RBFOX1: variants seen among roughly 807,000 people sequenced by gnomAD.
RBFOX1 encodes RNA binding fox-1 homolog 1.
RBFOX1 carries 8 observed loss-of-function variants against 57.7 expected under a neutral mutation model. The observed-to-expected ratio is 0.14, with a 90% CI of 0.08 to 0.25. The LOEUF is 0.25. RBFOX1 is among the 10% of genes least tolerant of loss of function. The probability of loss-of-function intolerance (pLI) is 1.00; values close to 1 mark genes in which losing one functional copy is unlikely to be tolerated. For synonymous variants in RBFOX1, 326 were observed against 222.4 expected, an observed-to-expected ratio of 1.47 and a Z score of -4.15; for missense variants, 611 against 548.5, an observed-to-expected ratio of 1.11 and a Z score of -1.14.
chr16:7,115,983 C>T (rs1185985715), intron 4 of RBFOX1, among the ~76,000 whole-genome samples: 1 of 152,172 alleles, frequency 6.6e-6, no homozygotes, highest in Non-Finnish European at 1.5e-5. Flanking sequence ...ATAATGAAAG[C>T]TCACATATAT....
At chr16:6,426,515 C>G (rs1215194224) in intron 2 of RBFOX1, among the ~76,000 whole-genome samples, 7 of 151,996 alleles carry the variant, frequency 4.6e-5, no homozygotes, top group Non-Finnish European at 5.9e-5. Flanking sequence ...CCTGTCGTCC[C>G]AGCTACCTGG....
At chr16:5,974,850 A>G (rs1156946680) in intron 4 of RBFOX1, among the ~76,000 whole-genome samples, 1 of 151,772 alleles carries the variant, frequency 6.6e-6, no homozygotes, top group African/African-American at 2.4e-5. Context: ...CTCTATTAAA[A>G]ATACAAAATT....
At chr16:5,850,825 A>G (rs918138223) in intron 3 of RBFOX1, among the ~76,000 whole-genome samples, 1 of 152,210 alleles carries the variant, frequency 6.6e-6, no homozygotes, top group Non-Finnish European at 1.5e-5. Context: ...AGGTGTGAGC[A>G]GTTCACATTT....
chr16:5,307,091 A>G (rs1241567294), intron 1 of RBFOX1, among the ~76,000 whole-genome samples: 4 of 152,112 alleles, frequency 2.6e-5, no homozygotes, highest in African/African-American at 9.7e-5. Flanking sequence ...CAGGAAAACC[A>G]AGTAAACCAC....
intron 3 of RBFOX1, among the ~76,000 whole-genome samples, chr16:5,718,311 G>T (rs73522246): frequency 0.038 from 5,722 of 152,240 alleles, 362 homozygotes; most frequent in African/African-American, 0.13. Flanking sequence ...CAGACCTGAG[G>T]TTTGAAGCAG....
chr16:5,458,569 G>T (rs916306282), intron 1 of RBFOX1, among the ~76,000 whole-genome samples: 1 of 152,168 alleles, frequency 6.6e-6, no homozygotes, highest in Non-Finnish European at 1.5e-5. Context: ...AGCCTCAAAG[G>T]TTAGGCAAGG....
At chr16:6,056,066 G>C (rs1050595325) in intron 1 of RBFOX1, among the ~76,000 whole-genome samples, 2 of 152,160 alleles carry the variant, frequency 1.3e-5, no homozygotes, top group East Asian at 3.9e-4. Flanking sequence ...GGGGCAAAGT[G>C]GGTAGTTTGG....
chr16:6,418,550 G>A (rs1055319881), intron 2 of RBFOX1, among the ~76,000 whole-genome samples: 2 of 126,660 alleles, frequency 1.6e-5, no homozygotes, highest in African/African-American at 6.6e-5. Context: ...TTTTGACAGA[G>A]TCTGGCTCAG....
At chr16:6,526,828 TCAAA>T (rs1272309911) in intron 2 of RBFOX1, among the ~76,000 whole-genome samples, 5 of 14,984 alleles carry the variant, frequency 3.3e-4, no homozygotes, top group Admixed American at 3.3e-3. Context: ...AGACTCTGTC[TCAAA>T]AAAAAAAAAA....
intron 4 of RBFOX1, among the ~76,000 whole-genome samples, chr16:7,408,147 T>G (rs2098378764): frequency 6.6e-6 from 1 of 152,214 alleles, no homozygotes; most frequent in South Asian, 2.1e-4. Flanking sequence ...ACATACACAT[T>G]CTTTGAATTA....
At chr16:5,751,948 C>T (rs984239384) in intron 3 of RBFOX1, among the ~76,000 whole-genome samples, 5 of 152,132 alleles carry the variant, frequency 3.3e-5, no homozygotes, top group Admixed American at 1.3e-4. Context: ...GAATATAAAT[C>T]GTTCTATTAT....
chr16:6,817,333 C>T (rs2090298398), intron 3 of RBFOX1, among the ~76,000 whole-genome samples: 2 of 152,058 alleles, frequency 1.3e-5, no homozygotes, highest in African/African-American at 2.4e-5. Flanking sequence ...TACGAGGACC[C>T]TGCTTACCTG....
intron 4 of RBFOX1, among the ~76,000 whole-genome samples, chr16:7,468,244 G>A (rs552625518): frequency 4.6e-5 from 7 of 152,226 alleles, no homozygotes; most frequent in Non-Finnish European, 8.8e-5. Context: ...ATACCCGCCC[G>A]ACCTTTACCA....
At chr16:6,555,887 T>G (rs527981012) in intron 2 of RBFOX1, among the ~76,000 whole-genome samples, 1 of 152,266 alleles carries the variant, frequency 6.6e-6, no homozygotes, top group African/African-American at 2.4e-5. Flanking sequence ...CAATTCTCAT[T>G]AAATATTGGC....
chr16:6,028,508 T>TCAA (rs2095239040), intron 1 of RBFOX1, among the ~76,000 whole-genome samples: 1 of 29,056 alleles, frequency 3.4e-5, no homozygotes, highest in Admixed American at 4.6e-4. Flanking sequence ...CCTGTCTCTG[T>TCAA]TAAAAAAAAA....
Position 7,661,407 on chromosome 16 carries a change from T to G in RBFOX1, c.891-3522T>G, listed in dbSNP as rs543051577. On this transcript the variant is annotated intron_variant, in intron 12 of 15. Coordinates refer to ENST00000550418, the MANE Select transcript of RBFOX1 (RefSeq NM_018723.4). ...AGAGCGTGGGTCTTCCAGCCATAGGTCTTGCCTTGCAGTACCCTCACCCCA... is the reference window on the plus strand; with the variant it reads ...AGAGCGTGGGTCTTCCAGCCATAGGGCTTGCCTTGCAGTACCCTCACCCCA... 2.6e-5 allele frequency among the ~76,000 whole-genome samples: 4 copies of G among 152,218 alleles called. No individual in the cohort carries two copies. In the South Asian group the frequency reaches 8.3e-4, roughly 32 times the overall value.
chr16:6,795,671 C>T (rs930247491), intron 3 of RBFOX1, among the ~76,000 whole-genome samples: 1 of 151,526 alleles, frequency 6.6e-6, no homozygotes, highest in Non-Finnish European at 1.5e-5. Context: ...GAGGCTGAGG[C>T]AGGAGAATCG....
At chr16:5,869,919 C>G (rs146560221) in intron 4 of RBFOX1, among the ~76,000 whole-genome samples, 44 of 152,042 alleles carry the variant, frequency 2.9e-4, no homozygotes, top group Middle Eastern at 3.4e-3. Flanking sequence ...GGAAACAAAC[C>G]AAATGTCTAT....
chr16:7,482,242 C>T (rs1437334979), intron 4 of RBFOX1, among the ~76,000 whole-genome samples: 2 of 152,202 alleles, frequency 1.3e-5, no homozygotes, highest in African/African-American at 4.8e-5. Context: ...ATTGTAAGAG[C>T]TCAAACAGTG....
Sources: gnomAD v4.1 joint callset for allele counts (sites outside exome capture counted in the v4.1 genomes callset) on GRCh38, gnomAD v4.1.1 for gene constraint, MANE v1.5 for transcripts, NCBI Gene and HGNC (gene_info 2026-07-23, HGNC 2026-07-21) for gene names.